VAT1L: variants seen among roughly 807,000 people sequenced by gnomAD.
VAT1L encodes vesicle amine transport 1 like.
Under a neutral mutation model 44.1 loss-of-function variants are expected in VAT1L, and 34 were observed. The observed-to-expected ratio is 0.77, with a 90% confidence interval of 0.59 to 1.03. The LOEUF is 1.03. Ranked by LOEUF, VAT1L falls within the 50% of genes least tolerant of loss-of-function variation. VAT1L has a pLI of 0.00. For synonymous variants in VAT1L, 253 were observed against 202.2 expected (o/e 1.25, Z -2.13); for missense variants, 615 against 538.8 (o/e 1.14, Z -1.40).
intron 7 of VAT1L, among the ~76,000 whole-genome samples, chr16:77,904,986 A>G (rs1202181238): frequency 6.6e-6 from 1 of 152,170 alleles, no homozygotes; most frequent in African/African-American, 2.4e-5. Context: ...AACTGGTGGT[A>G]AAGGAGAAAT....
intron 8 of VAT1L, among the ~76,000 whole-genome samples, chr16:77,973,431 C>T (rs2142546747): frequency 6.6e-6 from 1 of 151,972 alleles, no homozygotes; most frequent in Non-Finnish European, 1.5e-5. Context: ...ATTACAGGGG[C>T]CCACCACCAC....
rs114842580 is a variant in VAT1L at position 77,794,866 on chromosome 16, A to G, written c.233+5951A>G. Among the ~76,000 whole-genome samples, 738 of 152,264 alleles carry G rather than the reference A, an allele frequency of 4.8e-3. 11 individuals are homozygous for G. Among genetic ancestry groups the G allele is most frequent in the African/African-American group, 0.017 (706 of 41,552 alleles). Reference sequence around the variant, plus strand: ...GGAAGTGCTAGCTCGGGTCATTTTTATTTAATGAAATTTGCATTCTCTCAT... The same window carrying G: ...GGAAGTGCTAGCTCGGGTCATTTTTGTTTAATGAAATTTGCATTCTCTCAT... On this transcript the variant is annotated intron_variant, in intron 1 of 8. Coordinates refer to ENST00000302536, the MANE Select transcript of VAT1L (RefSeq NM_020927.3).
At chr16:77,916,081 G>C (rs2017549033) in intron 7 of VAT1L, among the ~76,000 whole-genome samples, 2 of 152,194 alleles carry the variant, frequency 1.3e-5, no homozygotes, top group Admixed American at 1.3e-4. Flanking sequence ...CTGGCCTGCT[G>C]TGCAGGCAGC....
chr16:77,931,753 T>C (rs2017733630), intron 7 of VAT1L, among the ~76,000 whole-genome samples: 1 of 152,250 alleles, frequency 6.6e-6, no homozygotes, highest in Admixed American at 6.5e-5. Context: ...ATCACACAGC[T>C]GGAAAAATAT....
intron 3 of VAT1L, among the ~76,000 whole-genome samples, chr16:77,831,574 A>G (rs1458417958): frequency 6.6e-6 from 1 of 152,200 alleles, no homozygotes; most frequent in Non-Finnish European, 1.5e-5. Flanking sequence ...AATTGAGGGA[A>G]AGTCTATAAA....
chr16:77,977,651 G>C lies in VAT1L; in HGVS notation c.1216G>C (p.Glu406Gln), dbSNP rs1419393520. The C allele has an allele frequency of 6.2e-7, 1 of 1,614,120 alleles. No homozygotes were observed. The highest frequency in any genetic ancestry group is 1.1e-5 in the South Asian group (1 of 91,066). Residue 406 changes from glutamate (E) to glutamine (Q), a missense_variant, in exon 9 of 9, where the codon GAG becomes CAG. Coordinates refer to ENST00000302536, the MANE Select transcript of VAT1L (RefSeq NM_020927.3). ...SEAGEEEEDH[E>Q]GDSENKERMP... is the part of the protein sequence containing the mutation. ...AGCAGGGGAAGAGGAGGAGGACCAC[G>C]AGGGAGACAGCGAGAACAAGGAGCG...
intron 7 of VAT1L, among the ~76,000 whole-genome samples, chr16:77,919,164 G>A (rs1173858526): frequency 6.6e-6 from 1 of 151,992 alleles, no homozygotes; most frequent in South Asian, 2.1e-4. Flanking sequence ...GTGTGTGCAC[G>A]CATGTGTGCA....
At position 77,969,423 on chromosome 16, in the gene VAT1L, C is replaced by T. The variant is rs569634651; in HGVS notation, c.1078-2427C>T. ...GGTCTGCTTCCAAGGTCTCTGTGGT[C>T]GTTGGCAGGATTCAGTTCCTCACTG... On this transcript the variant is annotated intron_variant, in intron 7 of 8. Coordinates refer to ENST00000302536, the MANE Select transcript of VAT1L (RefSeq NM_020927.3). Among the ~76,000 whole-genome samples the T allele has an allele frequency of 2.6e-5, 4 of 152,030 alleles. No homozygotes were observed. The East Asian group carries it at 7.7e-4, about 29-fold the overall frequency.
chr16:77,814,784 G>C (rs149167492), intron 1 of VAT1L, among the ~76,000 whole-genome samples: 1 of 152,332 alleles, frequency 6.6e-6, no homozygotes, highest in Non-Finnish European at 1.5e-5. Context: ...TTTTATACAA[G>C]TGAAGTTCAG....
At chr16:77,936,110 A>T (rs1482561329) in intron 7 of VAT1L, among the ~76,000 whole-genome samples, 1 of 152,138 alleles carries the variant, frequency 6.6e-6, no homozygotes, top group East Asian at 1.9e-4. Flanking sequence ...CTATCGCACC[A>T]CTGACTTTTC....
At chr16:77,928,077 C>T (rs1324981796) in intron 7 of VAT1L, among the ~76,000 whole-genome samples, 1 of 152,016 alleles carries the variant, frequency 6.6e-6, no homozygotes, top group African/African-American at 2.4e-5. Context: ...GTCTACTGGG[C>T]TCAAGTGGGC....
chr16:77,891,994 C>T (rs1056157362), intron 7 of VAT1L, among the ~76,000 whole-genome samples: 4 of 152,118 alleles, frequency 2.6e-5, no homozygotes, highest in Admixed American at 2.0e-4. Flanking sequence ...ATCACTTGAA[C>T]CCGGGAGGCG....
In VAT1L at chr16:77,788,689, A is replaced by T. The variant is rs2015771712; in HGVS notation, c.7A>T (p.Lys3Ter). 1 of 1,550,086 alleles carries T rather than the reference A, an allele frequency of 6.5e-7. No homozygotes were observed. Among genetic ancestry groups the T allele is most frequent in the Non-Finnish European group, 8.7e-7 (1 of 1,146,796 alleles). The change falls in exon 1 of 9, where the codon AAG becomes TAG. Residue 3 changes from lysine (K) to a stop codon, truncating the protein, a stop_gained. Transcript: ENST00000302536. LOFTEE classifies it high-confidence loss of function. MA[K>*]EGVEKAEETE... ...CCCCGCGCCCTCGAGCGCCATGGCC[A>T]AGGAAGGCGTGGAGAAGGCGGAGGA...
chr16:77,899,373 A>G (rs146265535), intron 7 of VAT1L, among the ~76,000 whole-genome samples: 8 of 152,304 alleles, frequency 5.3e-5, no homozygotes, highest in African/African-American at 1.9e-4. Flanking sequence ...CAGTGGAGAG[A>G]TTGGCTTGAA....
intron 8 of VAT1L, among the ~76,000 whole-genome samples, chr16:77,974,253 T>G (rs1200636686): frequency 2.0e-5 from 3 of 152,200 alleles, no homozygotes; most frequent in African/African-American, 7.2e-5. Flanking sequence ...GAGTCTCCTG[T>G]ACACCTCTTT....
chr16:77,861,224 T>C (rs1177449510), intron 3 of VAT1L, among the ~76,000 whole-genome samples: 1 of 152,180 alleles, frequency 6.6e-6, no homozygotes, highest in East Asian at 1.9e-4. Flanking sequence ...ACATCACAGA[T>C]GACGCTGGTA....
At chr16:77,934,536 A>G (rs36077290) in intron 7 of VAT1L, among the ~76,000 whole-genome samples, 10,229 of 152,242 alleles carry the variant, frequency 0.067, 448 homozygotes, top group East Asian at 0.18. Flanking sequence ...TTTTAGGCCA[A>G]TGAAAACCAT....
chr16:77,884,873 C>T lies in VAT1L; in HGVS notation c.1077+71C>T. On this transcript the variant is annotated intron_variant, in intron 7 of 8. Transcript: ENST00000302536. The surrounding 1 kb of genome is among the most constrained non-coding windows in gnomAD (Gnocchi z 4.5). ...TCAGGAAGGTTTGGGCAGCCAAATA[C>T]AATCTTCTACTAAATGATTTTTTTC... The T allele has an allele frequency of 7.2e-7, 1 of 1,388,616 alleles. No homozygotes were observed. The highest frequency in any genetic ancestry group is 1.7e-5 in the South Asian group (1 of 60,334). 86.0% of individuals were successfully genotyped at this position (1,388,616 alleles called of 1,614,324 possible).
In VAT1L at chr16:77,862,962, TA is replaced by T. The variant is rs1425044358; in HGVS notation, c.722+76del. On this transcript the variant is annotated intron_variant, in intron 4 of 8. Transcript: ENST00000302536. ...CTCTCAAAGAGCAGTAGCACTTATTTAAAAGAGGGATAATAATAATATGTAG... is the reference window on the plus strand; with the variant it reads ...CTCTCAAAGAGCAGTAGCACTTATTTAAAGAGGGATAATAATAATATGTAG... The T allele has an allele frequency of 2.5e-5, 38 of 1,518,062 alleles. No individual in the cohort carries two copies. In the African/African-American group the frequency reaches 4.0e-4, roughly 16 times the overall value. The allele number at this position is 1,518,062 out of a possible 1,614,324, so 94.0% of individuals were successfully genotyped here. A position where few individuals can be genotyped will look rare whatever the true frequency, so the allele number is the denominator to read the frequency against.
Sources: gnomAD v4.1 joint callset for allele counts (sites outside exome capture counted in the v4.1 genomes callset) on GRCh38, gnomAD v4.1.1 for gene constraint, Gnocchi (gnomAD v3.1) non-coding constraint, MANE v1.5 for transcripts, NCBI Gene and HGNC (gene_info 2026-07-23, HGNC 2026-07-21) for gene names.